Variants in RRP9 observed in about 807,000 individuals in gnomAD.
The protein encoded by RRP9 is ribosomal RNA processing 9, U3 small nucleolar RNA binding protein.
In RRP9, 35 loss-of-function variants were observed where a neutral mutation model predicts 65.5. The observed-to-expected ratio is 0.53, with a 90% CI of 0.41 to 0.71. The LOEUF (loss-of-function observed/expected upper bound fraction) is 0.71, where lower values mean the gene tolerates loss of function less well. RRP9 is among the 30% of genes least tolerant of loss of function. The probability of loss-of-function intolerance (pLI) is 0.00; values close to 1 mark genes in which losing one functional copy is unlikely to be tolerated. For synonymous variants in RRP9, 254 were observed against 245.0 expected (o/e 1.04, Z -0.34); for missense variants, 533 against 633.6 (o/e 0.84, Z 1.70).
At position 51,938,118 on chromosome 3, in the gene RRP9, T is replaced by G. The variant is rs1699479433; in HGVS notation, c.257A>C (p.Tyr86Ser). The change falls in exon 3 of 15, where the codon TAC (tyrosine) becomes TCC (serine). Residue 86 changes from tyrosine (Y) to serine (S), a missense_variant. By Grantham distance (144) the Tyr-to-Ser change is moderately radical. Transcript: ENST00000232888. ...ACCTTGCTGACGGAGCTGCTCTAGG[T>G]AGAGCTTGGCCAAGCGCAGCTTCTT... is the stretch of plus-strand genomic sequence containing the variant. Reference protein sequence around the residue: ...QEKKLRLAKLYLEQLRQQEEE... With the variant: ...QEKKLRLAKLSLEQLRQQEEE... 1 of 1,608,836 alleles carries G rather than the reference T, an allele frequency of 6.2e-7. No individual in the cohort carries two copies. The highest frequency in any genetic ancestry group is 1.7e-5 in the Admixed American group (1 of 59,682).
chr3:51,940,535 T>C (rs1699509581), intron 2 of RRP9, among the ~76,000 whole-genome samples: 1 of 152,140 alleles, frequency 6.6e-6, no homozygotes, highest in African/African-American at 2.4e-5. Flanking sequence ...GTGGTTTTTT[T>C]TTAGAGACAG....
In RRP9 at chr3:51,937,430, C is replaced by T. The variant is rs1360138324; in HGVS notation, c.391-112G>A. On this transcript the variant is annotated intron_variant, in intron 5 of 14. Coordinates refer to ENST00000232888, the MANE Select transcript of RRP9 (RefSeq NM_004704.5). This position sits in a 1 kb window ranked among gnomAD's most constrained non-coding sequence, Gnocchi z 5.0. Reference sequence around the variant, plus strand: ...ACCCAGGCCAGAAGGAAAACAAGACCCAAGGCTACAACAACCAGATCCTTA... The same window carrying T: ...ACCCAGGCCAGAAGGAAAACAAGACTCAAGGCTACAACAACCAGATCCTTA... 1.9e-6 allele frequency: 3 copies of T among 1,605,342 alleles called. 1 individual carries two copies. The highest frequency in any genetic ancestry group is 8.5e-7 in the Non-Finnish European group (1 of 1,173,320).
At position 51,935,466 on chromosome 3, in the gene RRP9, G is replaced by A; in HGVS notation, c.847C>T (p.Gln283Ter). Residue 283 changes from glutamine (Q) to a stop codon, truncating the protein, a stop_gained, in exon 10 of 15, where the codon CAG (glutamine) becomes TAG (stop). Transcript: ENST00000232888. LOFTEE classifies it high-confidence loss of function. ...GCATCCAGTGCAGCCACAGCGTCCT[G>A]GTGTCCGAAGCTAGAGGGCCGGGCA... ...NSYVETLFGH[Q>*]DAVAALDALS... is the part of the protein sequence containing the mutation. 6.2e-7 allele frequency: 1 copy of A among 1,614,136 alleles called. No homozygotes were observed. The highest frequency in any genetic ancestry group is 8.5e-7 in the Non-Finnish European group (1 of 1,180,036).
intron 2 of RRP9, among the ~76,000 whole-genome samples, chr3:51,938,776 C>T (rs926301380): frequency 1.3e-5 from 2 of 152,092 alleles, no homozygotes; most frequent in African/African-American, 2.4e-5. Context: ...ACCAGAGATG[C>T]GACACAAGAG....
rs867257385 is a variant in RRP9 at position 51,934,198 on chromosome 3, G to A, written c.1260+274C>T. 2.0e-5 allele frequency among the ~76,000 whole-genome samples: 3 copies of A among 152,120 alleles called. No individual in the cohort carries two copies. The highest frequency in any genetic ancestry group is 4.4e-5 in the Non-Finnish European group (3 of 68,016). On this transcript the variant is annotated intron_variant, in intron 13 of 14. Transcript: ENST00000232888. The surrounding 1 kb of genome is among the most constrained non-coding windows in gnomAD (Gnocchi z 4.1). ...ACCCTCTAGCCTGGCACCCAATCTG[G>A]CACCAGCAGTACAGAATTCATCACA...
At position 51,937,134 on chromosome 3, in the gene RRP9, T is replaced by C; in HGVS notation, c.517+58A>G. ...CCTGCCATGACCACTCCCACTCCCC[T>C]GACCAGCCCTCCCGGATCCGCCATG... On this transcript the variant is annotated intron_variant, in intron 6 of 14. Transcript: ENST00000232888. This position sits in a 1 kb window ranked among gnomAD's most constrained non-coding sequence, Gnocchi z 5.0. The C allele has an allele frequency of 1.9e-6, 3 of 1,600,378 alleles. No homozygotes were observed. Among genetic ancestry groups the C allele is most frequent in the South Asian group, 1.1e-5 (1 of 89,822 alleles).
chr3:51,940,598 G>A (rs1699510628), intron 2 of RRP9, among the ~76,000 whole-genome samples: 1 of 152,078 alleles, frequency 6.6e-6, no homozygotes, highest in Non-Finnish European at 1.5e-5. Context: ...GTTCACTGCA[G>A]CTTCAACTCC....
In RRP9 at chr3:51,935,356, G is replaced by A. The variant is rs547041505; in HGVS notation, c.957C>T (p.Val319=). 6 of 1,614,074 alleles carry A rather than the reference G, an allele frequency of 3.7e-6. No individual in the cohort carries two copies. The South Asian group carries it at 5.5e-5, about 15-fold the overall frequency. The stretch of plus-strand genomic sequence containing the variant: ...GGCCACCTTACTGGTGGCCATAGAA[G>A]ACAAGCTGGGACTCCTCGGGGATCT... ...VWKIPEESQL[V]FYGHQGSIDC... Residue 319 remains valine, a synonymous_variant, in exon 10 of 15, where the codon GTC becomes GTT. Coordinates refer to ENST00000232888, the MANE Select transcript of RRP9 (RefSeq NM_004704.5).
In RRP9 at chr3:51,935,333, C is replaced by T. The variant is rs1163196040; in HGVS notation, c.971+9G>A. ...ATGTAGCCCCCACTGGCATGGCAGG[C>T]CACCTTACTGGTGGCCATAGAAGAC... On this transcript the variant is annotated intron_variant, in intron 10 of 14. Transcript: ENST00000232888. The T allele has an allele frequency of 3.1e-6, 5 of 1,613,916 alleles. No individual in the cohort carries two copies. Among genetic ancestry groups the T allele is most frequent in the African/African-American group, 1.3e-5 (1 of 75,056 alleles).
chr3:51,937,644 C>T lies in RRP9; in HGVS notation c.348+25G>A, dbSNP rs768891001. 4.5e-5 allele frequency: 73 copies of T among 1,614,096 alleles called. No individual in the cohort carries two copies. Among genetic ancestry groups the T allele is most frequent in the Non-Finnish European group, 5.9e-5 (70 of 1,180,036 alleles). On this transcript the variant is annotated intron_variant, in intron 4 of 14. Transcript: ENST00000232888. This position sits in a 1 kb window ranked among gnomAD's most constrained non-coding sequence, Gnocchi z 5.0. ...AGCAGATCAGCTCCACCCCCGTCCTCCCCCAACTCTCCCTCCACACTTACC... is the reference window on the plus strand; with the variant it reads ...AGCAGATCAGCTCCACCCCCGTCCTTCCCCAACTCTCCCTCCACACTTACC...
At position 51,941,742 on chromosome 3, in the gene RRP9, A is replaced by G. The variant is rs549248776; in HGVS notation, c.87+39T>C. On this transcript the variant is annotated intron_variant, in intron 1 of 14. Coordinates refer to ENST00000232888, the MANE Select transcript of RRP9 (RefSeq NM_004704.5). The stretch of plus-strand genomic sequence containing the variant: ...TGGATGGGATGACGGTTGTCCCAGT[A>G]GCAGGGCTGACCGCGGCCCTCAGAA... 945 of 1,507,908 alleles carry G rather than the reference A, an allele frequency of 6.3e-4. 5 individuals carry two copies. The African/African-American group carries it at 0.011, about 17-fold the overall frequency. 93.4% of individuals were successfully genotyped at this position (1,507,908 alleles called of 1,614,324 possible).
intron 13 of RRP9, 25 bp from the exon 14 acceptor site, chr3:51,933,806 G>T: frequency 6.2e-7 from 1 of 1,611,480 alleles, no homozygotes; most frequent in Non-Finnish European, 8.5e-7. Context: ...AACACGGAAA[G>T]ACATTAGAAC....
At chr3:51,936,661 G>T in intron 6 of RRP9, 106 bp from the exon 7 acceptor site, 1 of 1,256,096 alleles carries the variant, frequency 8.0e-7, no homozygotes, top group Non-Finnish European at 1.1e-6. Context: ...AAATGTCCCG[G>T]ACTCGGCCAG....
At chr3:51,935,739 G>A (rs1699450883) in intron 8 of RRP9, 47 bp from the exon 9 acceptor site, 1 of 1,501,100 alleles carries the variant, frequency 6.7e-7, no homozygotes, top group South Asian at 1.1e-5. Flanking sequence ...ACTACAGCAG[G>A]CGAGAGACAG....
intron 11 of RRP9, 140 bp downstream of exon 11, chr3:51,935,057 C>T (rs951273609): frequency 1.4e-5 from 13 of 920,642 alleles, no homozygotes; most frequent in Non-Finnish European, 2.0e-5. Context: ...TCTGAGCTCT[C>T]TGCCTCATCA....
At chr3:51,936,124 AG>A (rs1699456168) in intron 8 of RRP9, 132 bp downstream of exon 8, 4 of 792,472 alleles carry the variant, frequency 5.0e-6, no homozygotes, top group Non-Finnish European at 8.5e-6. Flanking sequence ...TGTATTTTAC[AG>A]CACCACTCGC....
Position 51,936,369 on chromosome 3 carries a change from G to C in RRP9, c.643-20C>G, listed in dbSNP as rs1267482363. 1 of 1,614,156 alleles carries C rather than the reference G, an allele frequency of 6.2e-7. No individual in the cohort carries two copies. Among genetic ancestry groups the C allele is most frequent in the Non-Finnish European group, 8.5e-7 (1 of 1,180,022 alleles). On this transcript the variant is annotated intron_variant, in intron 7 of 14. Transcript: ENST00000232888. ...AGAGGCCTGCAGGGATGAAGACAAT[G>C]ATCACAGGCACCCACCATGCACCAG...
chr3:51,937,264 T>C lies in RRP9; in HGVS notation c.445A>G (p.Ile149Val), dbSNP rs1449462352. ...TCGGGGGTGACGACCAAACATGTGA[T>C]AGAGAGCTGGTGCCCCCGTAAAACG... is the stretch of plus-strand genomic sequence containing the variant. ...IRVLRGHQLS[I>V]TCLVVTPDDS... is the part of the protein sequence containing the mutation. Residue 149 changes from isoleucine (I) to valine (V), a missense_variant, in exon 6 of 15, where the codon ATC (isoleucine) becomes GTC (valine). Physicochemically the swap from Ile to Val is conservative, Grantham distance 29 (BLOSUM62 3). This residue lies in a region of RRP9 where 449 missense variants were observed against 550.6 expected (regional missense o/e 0.82). Transcript: ENST00000232888. The surrounding 1 kb of genome is among the most constrained non-coding windows in gnomAD (Gnocchi z 5.0). 2 of 1,614,128 alleles carry C rather than the reference T, an allele frequency of 1.2e-6. No individual in the cohort carries two copies. The highest frequency in any genetic ancestry group is 1.7e-5 in the Admixed American group (1 of 60,024).
rs748089420 is a variant in RRP9, at chr3:51,937,612, C to A, written c.349-26G>T. The A allele has an allele frequency of 1.9e-6, 3 of 1,614,212 alleles. No individual in the cohort carries two copies. The highest frequency in any genetic ancestry group is 2.5e-6 in the Non-Finnish European group (3 of 1,180,036). ...CTGCATGGAGAAGAGATGGATGAGA[C>A]CCTGGGAGCAGATCAGCTCCACCCC... On this transcript the variant is annotated intron_variant, in intron 4 of 14. Transcript: ENST00000232888. The surrounding 1 kb of genome is among the most constrained non-coding windows in gnomAD (Gnocchi z 5.0).
Sources: gnomAD v4.1 joint callset for allele counts (sites outside exome capture counted in the v4.1 genomes callset) on GRCh38, gnomAD v4.1.1 for gene constraint, gnomAD v4.1.1 regional missense constraint, Gnocchi (gnomAD v3.1) non-coding constraint, MANE v1.5 for transcripts, NCBI Gene and HGNC (gene_info 2026-07-23, HGNC 2026-07-21) for gene names.